Variants in SCHIP1 observed in about 807,000 individuals in gnomAD.
The protein encoded by SCHIP1 is schwannomin interacting protein 1.
Under a neutral mutation model 29.7 loss-of-function variants are expected in SCHIP1, and 8 were observed. That is an observed-to-expected ratio of 0.27 (90% CI 0.16 to 0.49). The LOEUF (loss-of-function observed/expected upper bound fraction) is 0.49, where lower values mean the gene tolerates loss of function less well. Among genes scored for constraint, SCHIP1 ranks in the 20% least tolerant of loss-of-function variants. The pLI is 0.99. For missense variants in SCHIP1, 193 were observed against 294.6 expected, an observed-to-expected ratio of 0.66 and a Z score of 2.52; for synonymous variants, 76 against 94.9, an observed-to-expected ratio of 0.80 and a Z score of 1.16.
At chr3:159,744,989 AAAAAG>A in the SCHIP1 span, among the ~76,000 whole-genome samples, 36 of 152,144 alleles carry the variant, frequency 2.4e-4, no homozygotes, top group East Asian at 6.6e-3. Context: ...CTCAAAAAAA[AAAAAG>A]AAGAAGAAGA....
chr3:159,622,125 T>C, the SCHIP1 span, among the ~76,000 whole-genome samples: 2 of 152,206 alleles, frequency 1.3e-5, no homozygotes, highest in Non-Finnish European at 2.9e-5. Flanking sequence ...GCAGCTCTGT[T>C]TTCAGTCAGG....
At chr3:159,455,385 A>C in the SCHIP1 span, among the ~76,000 whole-genome samples, 3 of 152,246 alleles carry the variant, frequency 2.0e-5, no homozygotes, top group Non-Finnish European at 4.4e-5. Flanking sequence ...CTATAGACCC[A>C]GATGGCCAGA....
chr3:159,553,153 A>G, the SCHIP1 span, among the ~76,000 whole-genome samples: 1 of 152,064 alleles, frequency 6.6e-6, no homozygotes, highest in Non-Finnish European at 1.5e-5. Context: ...TTTTAGATAA[A>G]TATAAATTAT....
the SCHIP1 span, chr3:159,309,235 A>G: frequency 4.7e-6 from 1 of 213,338 alleles, no homozygotes; most frequent in Non-Finnish European, 8.0e-6. Flanking sequence ...ACATATATGC[A>G]ATAAATAAAC....
At chr3:159,304,985 C>T in the SCHIP1 span, among the ~76,000 whole-genome samples, 1 of 152,164 alleles carries the variant, frequency 6.6e-6, no homozygotes, top group Admixed American at 6.5e-5. Context: ...GCTGATGGAG[C>T]TCATAGAGAT....
the SCHIP1 span, among the ~76,000 whole-genome samples, chr3:159,694,856 C>T: frequency 6.6e-6 from 1 of 152,158 alleles, no homozygotes; most frequent in Non-Finnish European, 1.5e-5. Context: ...TCTCAATTAC[C>T]TTATGATTCT....
chr3:159,406,616 T>G, the SCHIP1 span, among the ~76,000 whole-genome samples: 8 of 152,156 alleles, frequency 5.3e-5, no homozygotes. Flanking sequence ...TTGTGATGTG[T>G]AAACTAAACA....
At chr3:159,382,376 C>T in the SCHIP1 span, among the ~76,000 whole-genome samples, 52,959 of 149,502 alleles carry the variant, frequency 0.35, 11,029 homozygotes, top group East Asian at 0.49. Context: ...TTTGTTCTTG[C>T]GATAGTTTAC....
chr3:159,551,138 G>A, the SCHIP1 span, among the ~76,000 whole-genome samples: 1 of 152,154 alleles, frequency 6.6e-6, no homozygotes, highest in South Asian at 2.1e-4. Flanking sequence ...CTGGGGAGAG[G>A]TTCTAAAGCT....
At chr3:159,459,296 C>T in the SCHIP1 span, among the ~76,000 whole-genome samples, 1 of 151,936 alleles carries the variant, frequency 6.6e-6, no homozygotes, top group Non-Finnish European at 1.5e-5. Flanking sequence ...TTAACTGCAG[C>T]CATTTTAAGG....
the SCHIP1 span, among the ~76,000 whole-genome samples, chr3:159,731,213 G>A: frequency 8.5e-5 from 13 of 152,326 alleles, no homozygotes; most frequent in African/African-American, 2.9e-4. Flanking sequence ...AAAGAAAGAA[G>A]TATGTTACCA....
the SCHIP1 span, among the ~76,000 whole-genome samples, chr3:159,352,966 C>T: frequency 7.9e-3 from 1,202 of 152,096 alleles, 15 homozygotes; most frequent in African/African-American, 0.028. Flanking sequence ...GTAGATGATG[C>T]GTTTGGGGGA....
chr3:159,575,438 T>C, the SCHIP1 span, among the ~76,000 whole-genome samples: 8 of 152,132 alleles, frequency 5.3e-5, no homozygotes, highest in Admixed American at 2.6e-4. Flanking sequence ...ACACTGTTTC[T>C]TTATTATCTT....
At chr3:159,273,819 C>A in the SCHIP1 span, 1 of 1,613,402 alleles carries the variant, frequency 6.2e-7, no homozygotes, top group East Asian at 2.2e-5. Flanking sequence ...CTCTTCAGCA[C>A]CATGGAGAGG....
chr3:159,466,328 A>G, the SCHIP1 span, among the ~76,000 whole-genome samples: 1 of 151,942 alleles, frequency 6.6e-6, no homozygotes, highest in Non-Finnish European at 1.5e-5. Flanking sequence ...AGAAAGAAAG[A>G]AAAAAAAGAA....
At chr3:159,817,916 CCTA>C in the SCHIP1 span, among the ~76,000 whole-genome samples, 2 of 152,184 alleles carry the variant, frequency 1.3e-5, no homozygotes, top group Non-Finnish European at 2.9e-5. Context: ...CACATATCCA[CCTA>C]CAGTGTGCTA....
the SCHIP1 span, among the ~76,000 whole-genome samples, chr3:159,619,672 G>A: frequency 1.8e-4 from 28 of 152,198 alleles, no homozygotes; most frequent in Non-Finnish European, 4.1e-4. Context: ...ACAAATTTCT[G>A]TAGCTGGGGA....
chr3:159,299,340 C>A, the SCHIP1 span, among the ~76,000 whole-genome samples: 1 of 152,114 alleles, frequency 6.6e-6, no homozygotes, highest in African/African-American at 2.4e-5. Flanking sequence ...TCCTCTTACT[C>A]ATGTGAATGT....
the SCHIP1 span, among the ~76,000 whole-genome samples, chr3:159,372,677 A>G: frequency 6.6e-6 from 1 of 152,154 alleles, no homozygotes; most frequent in Non-Finnish European, 1.5e-5. Context: ...ACAAAAGCTA[A>G]GAATGGGTTT....
Sources: allele counts gnomAD v4.1 joint callset (sites outside exome capture counted in the v4.1 genomes callset), GRCh38; gene constraint gnomAD v4.1.1; transcripts MANE v1.5; gene names NCBI Gene and HGNC (gene_info 2026-07-23, HGNC 2026-07-21).